TSHZ2: variants seen among roughly 807,000 people sequenced by gnomAD.
The protein encoded by TSHZ2 is teashirt zinc finger homeobox 2, also known as teashirt homolog 2.
Under a neutral mutation model 74.4 loss-of-function variants are expected in TSHZ2, and 21 were observed. The observed-to-expected ratio is 0.28, with a 90% CI of 0.20 to 0.41. TSHZ2 has a LOEUF of 0.41. TSHZ2 is among the 10% of genes least tolerant of loss of function. The probability of loss-of-function intolerance (pLI) is 1.00; values close to 1 mark genes in which losing one functional copy is unlikely to be tolerated. For synonymous variants in TSHZ2, 540 were observed against 515.3 expected, an observed-to-expected ratio of 1.05 and a Z score of -0.65; for missense variants, 1,244 against 1,293.5, an observed-to-expected ratio of 0.96 and a Z score of 0.59.
intron 2 of TSHZ2, among the ~76,000 whole-genome samples, chr20:53,436,102 G>A (rs535372586): frequency 3.3e-5 from 5 of 151,570 alleles, no homozygotes; most frequent in Non-Finnish European, 5.9e-5. Context: ...CTGGAATAGA[G>A]TGAGCACTCA....
At chr20:53,099,996 TG>T (rs1986171015) in intron 1 of TSHZ2, among the ~76,000 whole-genome samples, 1 of 152,192 alleles carries the variant, frequency 6.6e-6, no homozygotes, top group Non-Finnish European at 1.5e-5. Flanking sequence ...ATCCACTTTT[TG>T]CCAAGTGAAT....
chr20:53,089,684 G>A (rs748231836), intron 1 of TSHZ2, among the ~76,000 whole-genome samples: 7 of 152,164 alleles, frequency 4.6e-5, no homozygotes, highest in Admixed American at 6.5e-5. Flanking sequence ...CATAAGATAC[G>A]TGGCTATAAG....
intron 2 of TSHZ2, among the ~76,000 whole-genome samples, chr20:53,464,066 T>C (rs1046957499): frequency 1.3e-5 from 2 of 152,138 alleles, no homozygotes; most frequent in Admixed American, 6.5e-5. Flanking sequence ...TTTACTTTCA[T>C]TCTGATGATT....
intron 1 of TSHZ2, among the ~76,000 whole-genome samples, chr20:53,046,099 T>C (rs775545488): frequency 6.6e-6 from 1 of 152,150 alleles, no homozygotes; most frequent in Non-Finnish European, 1.5e-5. Flanking sequence ...ATTCCCGATG[T>C]GTGCTTTAGA....
intron 1 of TSHZ2, among the ~76,000 whole-genome samples, chr20:53,132,647 T>C (rs1428843076): frequency 6.6e-6 from 1 of 152,094 alleles, no homozygotes. Context: ...TCCCCCTCTC[T>C]TTCTCTCCAT....
chr20:53,441,224 TATTTTA>T (rs1240921013), intron 2 of TSHZ2, among the ~76,000 whole-genome samples: 3 of 40,570 alleles, frequency 7.4e-5, no homozygotes, highest in African/African-American at 6.3e-4. Context: ...TTTATTTGTT[TATTTTA>T]TTTTATTTTA....
At chr20:53,286,113 T>C (rs908723319) in intron 2 of TSHZ2, among the ~76,000 whole-genome samples, 3 of 152,262 alleles carry the variant, frequency 2.0e-5, no homozygotes, top group African/African-American at 7.2e-5. Flanking sequence ...CTGCCATTAA[T>C]AATGCCAAAA....
intron 1 of TSHZ2, among the ~76,000 whole-genome samples, chr20:53,061,948 T>G (rs2123168631): frequency 6.6e-6 from 1 of 152,298 alleles, no homozygotes. Flanking sequence ...GATTGCATCA[T>G]TTTTTCTTCC....
intron 2 of TSHZ2, among the ~76,000 whole-genome samples, chr20:53,383,346 G>A (rs892614526): frequency 2.6e-5 from 4 of 152,100 alleles, no homozygotes; most frequent in Admixed American, 2.6e-4. Context: ...TTTATTGGTA[G>A]TCTGTCATTA....
intron 2 of TSHZ2, among the ~76,000 whole-genome samples, chr20:53,349,775 T>G (rs1247293663): frequency 6.6e-6 from 1 of 152,182 alleles, no homozygotes; most frequent in Non-Finnish European, 1.5e-5. Context: ...CAGTGGTATA[T>G]TCATTCTTAT....
intron 1 of TSHZ2, among the ~76,000 whole-genome samples, chr20:53,096,277 G>T (rs960482776): frequency 6.6e-6 from 1 of 152,176 alleles, no homozygotes. Context: ...AAATAGCTGA[G>T]ACTACAGGCG....
intron 2 of TSHZ2, among the ~76,000 whole-genome samples, chr20:53,456,311 GTGA>G (rs1273041336): frequency 6.6e-6 from 1 of 150,796 alleles, no homozygotes; most frequent in Non-Finnish European, 1.5e-5. Flanking sequence ...CTGATGGCCA[GTGA>G]TGATGAGCAT....
chr20:53,227,127 T>C (rs1989703338), intron 1 of TSHZ2, among the ~76,000 whole-genome samples: 1 of 151,392 alleles, frequency 6.6e-6, no homozygotes, highest in Non-Finnish European at 1.5e-5. Context: ...TCTGTAAACC[T>C]TCCAAAAGAG....
intron 2 of TSHZ2, among the ~76,000 whole-genome samples, chr20:53,294,181 T>C (rs55715801): frequency 0.048 from 6,231 of 130,822 alleles, 435 homozygotes; most frequent in African/African-American, 0.17. Context: ...TTAATCGCTC[T>C]AGCCTCCAGA....
At chr20:52,973,954 G>A (rs1373766840) in intron 1 of TSHZ2, among the ~76,000 whole-genome samples, 4 of 152,142 alleles carry the variant, frequency 2.6e-5, no homozygotes, top group Non-Finnish European at 5.9e-5. Context: ...ACCAAAAAGG[G>A]TTGTAGGGGG....
intron 2 of TSHZ2, among the ~76,000 whole-genome samples, chr20:53,354,729 G>C (rs1425944508): frequency 6.6e-6 from 1 of 152,184 alleles, no homozygotes; most frequent in Non-Finnish European, 1.5e-5. Flanking sequence ...TCTGTGTACA[G>C]TTTCATATAC....
chr20:53,288,663 T>C (rs1355834860), intron 2 of TSHZ2, among the ~76,000 whole-genome samples: 1 of 152,116 alleles, frequency 6.6e-6, no homozygotes, highest in Non-Finnish European at 1.5e-5. Flanking sequence ...AGAGACAATA[T>C]TTCTGCTCTC....
At chr20:53,056,246 T>C (rs1040071151) in intron 1 of TSHZ2, among the ~76,000 whole-genome samples, 2 of 152,224 alleles carry the variant, frequency 1.3e-5, no homozygotes, top group African/African-American at 4.8e-5. Flanking sequence ...CTAAGGATCC[T>C]GCTGCTTTTC....
At chr20:53,163,787 A>C (rs1353664008) in intron 1 of TSHZ2, among the ~76,000 whole-genome samples, 2 of 152,192 alleles carry the variant, frequency 1.3e-5, no homozygotes, top group African/African-American at 4.8e-5. Flanking sequence ...AGAGATTCTG[A>C]ATCAGATTCA....
Sources: gnomAD v4.1 joint callset for allele counts (sites outside exome capture counted in the v4.1 genomes callset) on GRCh38, gnomAD v4.1.1 for gene constraint, MANE v1.5 for transcripts, NCBI Gene and HGNC (gene_info 2026-07-23, HGNC 2026-07-21) for gene names.